Variants in ZNF383 observed in about 807,000 individuals in gnomAD.
ZNF383 encodes the protein zinc finger protein 383.
Under a neutral mutation model 44.2 loss-of-function variants are expected in ZNF383, and 32 were observed. The observed-to-expected ratio is 0.72, with a 90% CI of 0.55 to 0.97. The LOEUF is 0.97. Ranked by LOEUF, ZNF383 falls within the 50% of genes least tolerant of loss-of-function variation. The probability of loss-of-function intolerance (pLI) is 0.00; values close to 1 mark genes in which losing one functional copy is unlikely to be tolerated. For synonymous variants in ZNF383, 155 were observed against 186.2 expected, an observed-to-expected ratio of 0.83 and a Z score of 1.36; for missense variants, 487 against 562.5, an observed-to-expected ratio of 0.87 and a Z score of 1.36.
chr19:37,219,885 A>G (rs991584542), intron 1 of ZNF383: 5 of 152,210 alleles, frequency 3.3e-5, no homozygotes, highest in Non-Finnish European at 7.3e-5. Flanking sequence ...AGATCCCAGT[A>G]GTCTGTTACT....
chr19:37,221,970 A>AG (rs1286180446), intron 1 of ZNF383, among the ~76,000 whole-genome samples: 1 of 151,256 alleles, frequency 6.6e-6, no homozygotes, highest in Non-Finnish European at 1.5e-5. Context: ...AAAAAAAAAA[A>AG]AAAGAAAAAG....
chr19:37,235,723 C>T (rs1214519022), intron 4 of ZNF383, 48 bp downstream of exon 4: 1 of 1,525,530 alleles, frequency 6.6e-7, no homozygotes, highest in South Asian at 1.3e-5. Context: ...TGGAATGTCT[C>T]CTTCTTCCAC....
At chr19:37,228,991 C>T (rs1376662148) in intron 2 of ZNF383, among the ~76,000 whole-genome samples, 2 of 151,976 alleles carry the variant, frequency 1.3e-5, no homozygotes, top group East Asian at 1.9e-4. Context: ...GACTCTATCA[C>T]AGTGTGGAGG....
chr19:37,220,929 T>A (rs1972892038), intron 1 of ZNF383, among the ~76,000 whole-genome samples: 1 of 152,234 alleles, frequency 6.6e-6, no homozygotes, highest in Non-Finnish European at 1.5e-5. Flanking sequence ...GCCTTTCTTA[T>A]AAAATACTAT....
At chr19:37,229,736 G>A (rs974162920) in intron 2 of ZNF383, among the ~76,000 whole-genome samples, 1 of 143,562 alleles carries the variant, frequency 7.0e-6, no homozygotes, top group African/African-American at 2.6e-5. Flanking sequence ...GTATATATAT[G>A]TGTGTGTATA....
chr19:37,238,305 TA>T (rs1433190169), intron 5 of ZNF383, among the ~76,000 whole-genome samples: 4 of 148,020 alleles, frequency 2.7e-5, no homozygotes, highest in African/African-American at 1.0e-4. Flanking sequence ...GATATATAAA[TA>T]TTTTTAGAAT....
In ZNF383 at chr19:37,248,013, G is replaced by T. The variant is rs969993564; in HGVS notation, c.*4349G>T. 1.3e-5 allele frequency: 2 copies of T among 152,244 alleles called. No individual in the cohort carries two copies. The highest frequency in any genetic ancestry group is 2.9e-5 in the Non-Finnish European group (2 of 68,072). 9.4% of individuals were successfully genotyped at this position (152,244 alleles called of 1,614,324 possible). A position where few individuals can be genotyped will look rare whatever the true frequency, so the allele number is the denominator to read the frequency against. On this transcript the variant is annotated 3_prime_UTR_variant, in exon 6 of 6. Coordinates refer to ENST00000684119, the MANE Select transcript of ZNF383 (RefSeq NM_001387601.1). ...TAGCCGGGCGTGGTGGCTCATGCCT[G>T]TAATCCCGGCTACTCAGGAGGCTGA...
Position 37,243,128 on chromosome 19 carries a change from T to C in ZNF383, c.892T>C (p.Phe298Leu). 2 of 1,614,040 alleles carry C rather than the reference T, an allele frequency of 1.2e-6. No individual in the cohort carries two copies. The highest frequency in any genetic ancestry group is 8.5e-7 in the Non-Finnish European group (1 of 1,179,996). Residue 298 changes from phenylalanine (F) to leucine (L), a missense_variant, in exon 6 of 6, where the codon TTT (phenylalanine) becomes CTT (leucine). Coordinates refer to ENST00000684119, the MANE Select transcript of ZNF383 (RefSeq NM_001387601.1). Reference sequence around the variant, plus strand: ...AGCCTTTACTAAGAGCTCACAACTTTTTCAGCATGCACGAATTCATACAGG... The same window carrying C: ...AGCCTTTACTAAGAGCTCACAACTTCTTCAGCATGCACGAATTCATACAGG... ...GKAFTKSSQL[F>L]QHARIHTGEK...
intron 1 of ZNF383, among the ~76,000 whole-genome samples, chr19:37,221,761 G>A (rs1285469093): frequency 6.7e-6 from 1 of 149,378 alleles, no homozygotes; most frequent in Non-Finnish European, 1.5e-5. Flanking sequence ...ATCTGGCTAC[G>A]GTGAAACCCC....
In ZNF383 at chr19:37,245,508, T is replaced by C. The variant is rs1028737666; in HGVS notation, c.*1844T>C. On this transcript the variant is annotated 3_prime_UTR_variant, in exon 6 of 6. Coordinates refer to ENST00000684119, the MANE Select transcript of ZNF383 (RefSeq NM_001387601.1). ...TTTTTTTTTTTGAGATGGAGTTCAC[T>C]CTGTTGCCCAGGCTGAAGTGCAGTG... The C allele has an allele frequency of 4.0e-5, 6 of 150,948 alleles. No homozygotes were observed. The highest frequency in any genetic ancestry group is 1.5e-4 in the African/African-American group (6 of 41,000). 9.4% of individuals were successfully genotyped at this position (150,948 alleles called of 1,614,324 possible).
At chr19:37,236,517 G>C (rs965675804) in intron 5 of ZNF383, among the ~76,000 whole-genome samples, 1 of 151,226 alleles carries the variant, frequency 6.6e-6, no homozygotes, top group Non-Finnish European at 1.5e-5. Context: ...CCTTCCAAGT[G>C]GCTGGGACCG....
intron 5 of ZNF383, among the ~76,000 whole-genome samples, chr19:37,240,454 G>T (rs554567336): frequency 1.3e-5 from 2 of 152,288 alleles, no homozygotes; most frequent in Non-Finnish European, 2.9e-5. Flanking sequence ...ATAATTGCTT[G>T]TGAGCACACA....
intron 1 of ZNF383, among the ~76,000 whole-genome samples, chr19:37,220,213 T>C (rs1468939570): frequency 6.6e-6 from 1 of 152,232 alleles, no homozygotes; most frequent in African/African-American, 2.4e-5. Flanking sequence ...ATGGTTCTTA[T>C]ATTTGGTTTT....
chr19:37,220,161 C>T (rs1972848668), intron 1 of ZNF383, among the ~76,000 whole-genome samples: 1 of 152,216 alleles, frequency 6.6e-6, no homozygotes, highest in African/African-American at 2.4e-5. Context: ...AATCTTATGA[C>T]ATTTACCATT....
At chr19:37,242,336 CAG>C (rs755981614) in intron 5 of ZNF383, 131 bp from the exon 6 acceptor site, 42 of 577,854 alleles carry the variant, frequency 7.3e-5, no homozygotes, top group South Asian at 1.1e-4. Context: ...TCAGATAACA[CAG>C]ATATCCTTGT....
intron 3 of ZNF383, among the ~76,000 whole-genome samples, chr19:37,231,971 T>C (rs1368051928): frequency 1.3e-5 from 2 of 152,252 alleles, no homozygotes; most frequent in Non-Finnish European, 2.9e-5. Flanking sequence ...TTTTTACTTA[T>C]TTGATAAACA....
intron 2 of ZNF383, among the ~76,000 whole-genome samples, chr19:37,228,928 A>G (rs1184784577): frequency 6.6e-6 from 1 of 151,994 alleles, no homozygotes; most frequent in African/African-American, 2.4e-5. Flanking sequence ...CTTACATATT[A>G]TTATGGACTT....
At position 37,235,971 on chromosome 19, in the gene ZNF383, G is replaced by C. The variant is rs373350635; in HGVS notation, c.137-8G>C. 1.2e-6 allele frequency: 2 copies of C among 1,605,668 alleles called. No homozygotes were observed. Among genetic ancestry groups the C allele is most frequent in the South Asian group, 2.2e-5 (2 of 90,104 alleles). On this transcript the variant is annotated splice_region_variant and splice_polypyrimidine_tract_variant and intron_variant, in intron 4 of 5. Transcript: ENST00000684119. Reference sequence around the variant, plus strand: ...ATAACCATGTTCCATATCTTTTCTCGTGAGCAGGACTTTACACTCCTAAGC... The same window carrying C: ...ATAACCATGTTCCATATCTTTTCTCCTGAGCAGGACTTTACACTCCTAAGC...
chr19:37,226,502 C>T (rs895683823), intron 2 of ZNF383: 5 of 152,224 alleles, frequency 3.3e-5, no homozygotes, highest in African/African-American at 1.2e-4. Flanking sequence ...CTGATCCTCC[C>T]TCCCTGTCAA....
Sources: gnomAD v4.1 joint callset for allele counts (sites outside exome capture counted in the v4.1 genomes callset) on GRCh38, gnomAD v4.1.1 for gene constraint, MANE v1.5 for transcripts, NCBI Gene and HGNC (gene_info 2026-07-23, HGNC 2026-07-21) for gene names.